Variants in PSD3 observed in about 807,000 individuals in gnomAD.
PSD3 encodes PH and SEC7 domain-containing protein 3.
In PSD3, 49 loss-of-function variants were observed where a neutral mutation model predicts 105.5. The observed-to-expected ratio is 0.46, with a 90% CI of 0.37 to 0.59. The LOEUF (loss-of-function observed/expected upper bound fraction) is 0.59. Among genes scored for constraint, PSD3 ranks in the 20% least tolerant of loss-of-function variants. The pLI, the probability that PSD3 is intolerant of heterozygous loss-of-function variation, is 0.00. For missense variants in PSD3, 1,561 were observed against 1,263.8 expected (o/e 1.24, Z -3.57); for synonymous variants, 557 against 457.8 (o/e 1.22, Z -2.77).
intron 3 of PSD3, among the ~76,000 whole-genome samples, chr8:18,870,732 A>C (rs1817278932): frequency 6.6e-6 from 1 of 152,182 alleles, no homozygotes; most frequent in African/African-American, 2.4e-5. Context: ...TGTGAGAAGA[A>C]GAAATTCCCA....
At chr8:18,546,624 TATTC>T (rs1286614382) in intron 15 of PSD3, among the ~76,000 whole-genome samples, 1 of 152,238 alleles carries the variant, frequency 6.6e-6, no homozygotes, top group African/African-American at 2.4e-5. Context: ...TTCATCTATT[TATTC>T]ATTATGTTGA....
chr8:18,774,574 T>G (rs1321125871), intron 8 of PSD3: 1 of 346,726 alleles, frequency 2.9e-6, no homozygotes, highest in East Asian at 8.4e-5. Flanking sequence ...ACTTCTGTCG[T>G]TGGTACAGCC....
chr8:18,904,477 T>G (rs1024128992), intron 2 of PSD3, among the ~76,000 whole-genome samples: 4 of 152,330 alleles, frequency 2.6e-5, no homozygotes, highest in Admixed American at 2.6e-4. Flanking sequence ...CGTCAAGGAC[T>G]ATGTTGGAAC....
intron 1 of PSD3, among the ~76,000 whole-genome samples, chr8:18,967,480 G>C (rs1466184802): frequency 6.6e-6 from 1 of 152,060 alleles, no homozygotes; most frequent in Non-Finnish European, 1.5e-5. Flanking sequence ...ATTACTAGTA[G>C]TAAAATGCTA....
At position 18,599,302 on chromosome 8, in the gene PSD3, G is replaced by C. The variant is rs1255781486; in HGVS notation, c.2481+1062C>G. Among the ~76,000 whole-genome samples the C allele has an allele frequency of 2.0e-5, 3 of 152,130 alleles. No individual in the cohort carries two copies. In the East Asian group the frequency reaches 5.8e-4, roughly 29 times the overall value. On this transcript the variant is annotated intron_variant, in intron 12 of 15. Coordinates refer to ENST00000327040, the MANE Select transcript of PSD3 (RefSeq NM_015310.4). The stretch of plus-strand genomic sequence containing the variant: ...GGAACCCTTATGTACTGTTGTTCAG[G>C]TATAAAATGGTACATTGCTTTGGAA...
intron 2 of PSD3, among the ~76,000 whole-genome samples, chr8:18,914,589 A>G (rs1820459372): frequency 6.6e-6 from 1 of 152,322 alleles, no homozygotes; most frequent in Admixed American, 6.5e-5. Context: ...CCAAAAAAAG[A>G]TATCAAAAAA....
chr8:18,663,456 G>A (rs1809504895), intron 9 of PSD3, among the ~76,000 whole-genome samples: 1 of 149,990 alleles, frequency 6.7e-6, no homozygotes, highest in Non-Finnish European at 1.5e-5. Context: ...AAAAAAAACC[G>A]AATAAAAATG....
At chr8:18,600,296 T>C (rs893045401) in intron 12 of PSD3, 68 bp downstream of exon 12, 6 of 1,372,352 alleles carry the variant, frequency 4.4e-6, no homozygotes, top group Admixed American at 3.5e-5. Flanking sequence ...CTACCGTACA[T>C]ACATATACTG....
At chr8:18,606,049 AC>A (rs1238733333) in intron 11 of PSD3, among the ~76,000 whole-genome samples, 3 of 152,144 alleles carry the variant, frequency 2.0e-5, no homozygotes, top group Non-Finnish European at 2.9e-5. Context: ...ACAGATTTCT[AC>A]CCTGAGTCTA....
chr8:18,589,865 AC>A, intron 12 of PSD3, among the ~76,000 whole-genome samples: 1 of 152,334 alleles, frequency 6.6e-6, no homozygotes, highest in African/African-American at 2.4e-5. Flanking sequence ...AAATCTGTCC[AC>A]AAGTAAGTTG....
chr8:18,705,696 A>G (rs1489862322), intron 9 of PSD3, among the ~76,000 whole-genome samples: 1 of 152,182 alleles, frequency 6.6e-6, no homozygotes, highest in Non-Finnish European at 1.5e-5. Flanking sequence ...ATATGTGTTC[A>G]TCTATATCTA....
chr8:18,595,439 T>TGA (rs36065717), intron 12 of PSD3, among the ~76,000 whole-genome samples: 111,896 of 147,956 alleles, frequency 0.76, 42,853 homozygotes, highest in Middle Eastern at 0.88. Flanking sequence ...TTGAATGTAT[T>TGA]GAGAGAGAGA....
At chr8:18,993,610 G>T (rs1413288607) in intron 1 of PSD3, among the ~76,000 whole-genome samples, 1 of 151,892 alleles carries the variant, frequency 6.6e-6, no homozygotes, top group Non-Finnish European at 1.5e-5. Flanking sequence ...ATGAGTATTA[G>T]AGCTTATCCC....
chr8:18,527,395 T>A lies in PSD3; in HGVS notation c.*8348A>T, dbSNP rs1945104383. ...TAAATCCTTCACTATTTTGCGTGAT[T>A]TCTATTACATAAAAACCATTTAAAT... is the stretch of plus-strand genomic sequence containing the variant. On this transcript the variant is annotated 3_prime_UTR_variant, in exon 16 of 16. Coordinates refer to ENST00000327040, the MANE Select transcript of PSD3 (RefSeq NM_015310.4). 1 of 152,658 alleles carries A rather than the reference T, an allele frequency of 6.6e-6. No individual in the cohort carries two copies. Among genetic ancestry groups the A allele is most frequent in the South Asian group, 2.1e-4 (1 of 4,834 alleles). 9.5% of individuals were successfully genotyped at this position (152,658 alleles called of 1,614,324 possible).
intron 15 of PSD3, among the ~76,000 whole-genome samples, chr8:18,545,028 G>A (rs1563307481): frequency 6.6e-6 from 1 of 152,172 alleles, no homozygotes; most frequent in African/African-American, 2.4e-5. Context: ...TGTCTTTGTG[G>A]AGAAGAAGAA....
chr8:18,572,950 T>C (rs1020890299), intron 13 of PSD3, among the ~76,000 whole-genome samples: 17 of 152,204 alleles, frequency 1.1e-4, no homozygotes, highest in African/African-American at 4.1e-4. Flanking sequence ...AAACCCCTAC[T>C]TTCTGTTTGA....
At chr8:18,923,448 T>C (rs1448160736) in intron 2 of PSD3, among the ~76,000 whole-genome samples, 2 of 152,150 alleles carry the variant, frequency 1.3e-5, no homozygotes, top group Non-Finnish European at 1.5e-5. Context: ...CCAAATATAG[T>C]CATGTGCCAC....
In PSD3 at chr8:18,720,280, T is replaced by C. The variant is rs186414382; in HGVS notation, c.2172+45169A>G. On this transcript the variant is annotated intron_variant, in intron 9 of 15. Transcript: ENST00000327040. Reference sequence around the variant, plus strand: ...TAAAGTACCAGGCACATTCCAATCATTCCTGGCAACATGAACCACCAGATG... The same window carrying C: ...TAAAGTACCAGGCACATTCCAATCACTCCTGGCAACATGAACCACCAGATG... 3.7e-3 allele frequency among the ~76,000 whole-genome samples: 564 copies of C among 152,312 alleles called. 15 individuals are homozygous for C. The highest frequency in any genetic ancestry group is 0.031 in the Admixed American group (477 of 15,298).
chr8:18,915,228 C>G (rs1384755740), intron 2 of PSD3, among the ~76,000 whole-genome samples: 2 of 152,026 alleles, frequency 1.3e-5, no homozygotes, highest in Non-Finnish European at 2.9e-5. Flanking sequence ...TGACCCAAAA[C>G]TACAAAACTA....
Sources: gnomAD v4.1 joint callset for allele counts (sites outside exome capture counted in the v4.1 genomes callset) on GRCh38, gnomAD v4.1.1 for gene constraint, MANE v1.5 for transcripts, NCBI Gene and HGNC (gene_info 2026-07-23, HGNC 2026-07-21) for gene names.